Variants in CCDC178 observed in about 807,000 individuals in gnomAD.
CCDC178 encodes the protein coiled-coil domain-containing protein 178.
CCDC178 carries 126 observed loss-of-function variants against 117.4 expected under a neutral mutation model. That is an observed-to-expected ratio of 1.07 (90% CI 0.93 to 1.24). The LOEUF is 1.24. CCDC178 is among the 50% of genes most tolerant of loss of function. The pLI, the probability that CCDC178 is intolerant of heterozygous loss-of-function variation, is 0.00. For missense variants in CCDC178, 1,030 were observed against 986.9 expected (o/e 1.04, Z -0.59); for synonymous variants, 283 against 313.4 (o/e 0.90, Z 1.02).
intron 21 of CCDC178, among the ~76,000 whole-genome samples, chr18:33,065,266 A>C (rs547741462): frequency 3.3e-5 from 5 of 152,298 alleles, no homozygotes; most frequent in Admixed American, 3.3e-4. Context: ...CCGCAAATAT[A>C]TGATAAAGGC....
intron 15 of CCDC178, among the ~76,000 whole-genome samples, chr18:33,243,962 C>T (rs1438618437): frequency 6.6e-6 from 1 of 151,828 alleles, no homozygotes; most frequent in African/African-American, 2.4e-5. Flanking sequence ...ATTGCTAAAC[C>T]ACAGAATCAT....
chr18:33,346,837 T>C (rs1457212207), intron 8 of CCDC178, among the ~76,000 whole-genome samples: 1 of 152,178 alleles, frequency 6.6e-6, no homozygotes, highest in Non-Finnish European at 1.5e-5. Context: ...ACAAGACATA[T>C]TCTTCAATCT....
chr18:33,134,283 G>A (rs1457444382), intron 20 of CCDC178, among the ~76,000 whole-genome samples: 1 of 151,854 alleles, frequency 6.6e-6, no homozygotes, highest in Non-Finnish European at 1.5e-5. Context: ...ATTTATGAAT[G>A]TTCATAGTTG....
At chr18:32,956,976 G>A (rs1201784246) in intron 22 of CCDC178, among the ~76,000 whole-genome samples, 1 of 83,996 alleles carries the variant, frequency 1.2e-5, no homozygotes, top group Non-Finnish European at 2.5e-5. Context: ...AGGAAGGAAA[G>A]CTAAAGAGAA....
intron 10 of CCDC178, among the ~76,000 whole-genome samples, chr18:33,331,871 T>C (rs1344786314): frequency 2.0e-5 from 3 of 152,212 alleles, no homozygotes; most frequent in South Asian, 2.1e-4. Flanking sequence ...ACTAGGTATA[T>C]AACCCCACTA....
chr18:32,957,242 T>C (rs2054614195), intron 22 of CCDC178, among the ~76,000 whole-genome samples: 1 of 152,188 alleles, frequency 6.6e-6, no homozygotes, highest in South Asian at 2.1e-4. Context: ...TCATGCAGTC[T>C]TGTGGTATTT....
At chr18:32,945,980 T>G (rs1364886174) in intron 22 of CCDC178, among the ~76,000 whole-genome samples, 1 of 152,192 alleles carries the variant, frequency 6.6e-6, no homozygotes, top group Non-Finnish European at 1.5e-5. Context: ...GTTAAAAGCT[T>G]TAGGATAATT....
At chr18:33,031,327 GC>G (rs1289320748) in intron 21 of CCDC178, among the ~76,000 whole-genome samples, 3 of 150,948 alleles carry the variant, frequency 2.0e-5, no homozygotes, top group African/African-American at 7.3e-5. Flanking sequence ...GCACTTCATA[GC>G]CTTAAACTCC....
intron 20 of CCDC178, among the ~76,000 whole-genome samples, chr18:33,124,824 G>T (rs561118902): frequency 6.6e-6 from 1 of 152,164 alleles, no homozygotes; most frequent in Admixed American, 6.5e-5. Flanking sequence ...TAGCAGTAGC[G>T]TTTATAAACT....
intron 15 of CCDC178, among the ~76,000 whole-genome samples, chr18:33,242,326 T>A (rs1328206550): frequency 1.3e-5 from 2 of 151,716 alleles, no homozygotes; most frequent in African/African-American, 4.8e-5. Flanking sequence ...GGATAAATGC[T>A]TCAGAACATT....
At chr18:32,988,482 T>C (rs1568201180) in intron 21 of CCDC178, among the ~76,000 whole-genome samples, 1 of 152,124 alleles carries the variant, frequency 6.6e-6, no homozygotes, top group Non-Finnish European at 1.5e-5. Flanking sequence ...TACTGATTGC[T>C]AAATAAATAA....
chr18:33,371,924 A>G (rs2063307118), intron 5 of CCDC178, among the ~76,000 whole-genome samples: 1 of 152,004 alleles, frequency 6.6e-6, no homozygotes, highest in Non-Finnish European at 1.5e-5. Flanking sequence ...TTTAGAAATA[A>G]GAAGGTTTTG....
intron 22 of CCDC178, among the ~76,000 whole-genome samples, chr18:32,943,695 A>G (rs1539819): frequency 0.93 from 142,090 of 152,220 alleles, 66,917 homozygotes; most frequent in Non-Finnish European, 0.99. Context: ...TGAATATTCT[A>G]TTCCACTTTT....
chr18:32,985,709 T>C (rs1243718890), intron 21 of CCDC178, among the ~76,000 whole-genome samples: 1 of 151,944 alleles, frequency 6.6e-6, no homozygotes, highest in Non-Finnish European at 1.5e-5. Flanking sequence ...AGAATATAAA[T>C]AGCAATGATT....
intron 5 of CCDC178, among the ~76,000 whole-genome samples, chr18:33,388,464 A>T (rs1568194339): frequency 6.6e-6 from 1 of 151,570 alleles, no homozygotes; most frequent in Non-Finnish European, 1.5e-5. Flanking sequence ...AATCAACCCA[A>T]ATGCCCATCA....
intron 21 of CCDC178, among the ~76,000 whole-genome samples, chr18:32,986,532 GA>G (rs1033861272): frequency 3.3e-5 from 5 of 152,110 alleles, no homozygotes. Flanking sequence ...CTACCAGGAA[GA>G]GTATTATTTC....
chr18:33,434,532 C>T (rs62090578), intron 2 of CCDC178, among the ~76,000 whole-genome samples: 6,634 of 152,186 alleles, frequency 0.044, 209 homozygotes, highest in Non-Finnish European at 0.066. Flanking sequence ...CACAGTCAGT[C>T]CCCAGAAATG....
intron 6 of CCDC178, among the ~76,000 whole-genome samples, 169 bp downstream of exon 6, chr18:33,369,881 T>G (rs1171878800): frequency 6.6e-6 from 1 of 151,988 alleles, no homozygotes; most frequent in Admixed American, 6.6e-5. Context: ...GGAGTGAGAC[T>G]ATCAAAAACA....
At chr18:32,970,617 T>A (rs776792467) in intron 22 of CCDC178, among the ~76,000 whole-genome samples, 12 of 152,026 alleles carry the variant, frequency 7.9e-5, no homozygotes, top group Middle Eastern at 3.2e-3. Flanking sequence ...GCAGATTCAC[T>A]CCACAAATAC....
Sources: gnomAD v4.1 joint callset for allele counts (sites outside exome capture counted in the v4.1 genomes callset) on GRCh38, gnomAD v4.1.1 for gene constraint, MANE v1.5 for transcripts, NCBI Gene and HGNC (gene_info 2026-07-23, HGNC 2026-07-21) for gene names.